Variants in NELL2 observed in about 807,000 individuals in gnomAD.
NELL2 encodes protein kinase C-binding protein NELL2.
In NELL2, 41 loss-of-function variants were observed where a neutral mutation model predicts 109.6. The observed-to-expected ratio is 0.37, with a 90% CI of 0.29 to 0.49. The LOEUF is 0.49. NELL2 is among the 20% of genes least tolerant of loss of function. NELL2 has a pLI of 0.98. For synonymous variants in NELL2, 355 were observed against 344.7 expected, an observed-to-expected ratio of 1.03 and a Z score of -0.33; for missense variants, 900 against 1,008.3, an observed-to-expected ratio of 0.89 and a Z score of 1.45.
At chr12:44,736,579 G>A (rs1258462526) in intron 9 of NELL2, among the ~76,000 whole-genome samples, 1 of 151,366 alleles carries the variant, frequency 6.6e-6, no homozygotes, top group Non-Finnish European at 1.5e-5. Flanking sequence ...TCTTAATGAA[G>A]CCAGGCTTTG....
At chr12:44,513,412 G>A (rs560215252) in intron 19 of NELL2, among the ~76,000 whole-genome samples, 3 of 151,954 alleles carry the variant, frequency 2.0e-5, no homozygotes, top group African/African-American at 7.2e-5. Flanking sequence ...AGGAAAATGT[G>A]GCTCCTAATG....
chr12:44,695,697 A>G (rs141443402), intron 12 of NELL2, among the ~76,000 whole-genome samples: 4 of 152,340 alleles, frequency 2.6e-5, no homozygotes, highest in African/African-American at 9.6e-5. Context: ...ATTTTGAAGG[A>G]GTCAAAATAG....
intron 12 of NELL2, among the ~76,000 whole-genome samples, chr12:44,682,616 C>G (rs1467339651): frequency 6.6e-6 from 1 of 152,182 alleles, no homozygotes; most frequent in African/African-American, 2.4e-5. Flanking sequence ...GGAAGGGATC[C>G]AGTTTCAGCT....
At chr12:44,593,257 G>A (rs573740496) in intron 15 of NELL2, among the ~76,000 whole-genome samples, 1 of 152,232 alleles carries the variant, frequency 6.6e-6, no homozygotes, top group South Asian at 2.1e-4. Flanking sequence ...AAAGGAGATG[G>A]TAATAAGAAA....
intron 12 of NELL2, among the ~76,000 whole-genome samples, chr12:44,699,438 T>C (rs938890668): frequency 3.9e-5 from 6 of 152,062 alleles, no homozygotes; most frequent in African/African-American, 1.4e-4. Flanking sequence ...AACAAGAAGT[T>C]ATCATCTGCC....
At chr12:44,879,476 A>G (rs1049597877), upstream of NELL2, among the ~76,000 whole-genome samples, 1 of 150,958 alleles carries the variant, frequency 6.6e-6, no homozygotes, top group South Asian at 2.1e-4. Context: ...TAAAATGCCC[A>G]ATTTTTAAAT....
chr12:44,686,699 TG>T (rs993121175), intron 12 of NELL2, among the ~76,000 whole-genome samples: 2 of 151,980 alleles, frequency 1.3e-5, no homozygotes, highest in African/African-American at 4.8e-5. Flanking sequence ...CTGCCCCTGC[TG>T]GGGGGTGCCT....
intron 1 of NELL2, among the ~76,000 whole-genome samples, chr12:44,904,504 G>A (rs1288858617): frequency 6.6e-6 from 1 of 152,076 alleles, no homozygotes; most frequent in Non-Finnish European, 1.5e-5. Context: ...GAAAGCCCTT[G>A]AAGATCAAAA....
chr12:44,768,225 T>C (rs1477497636), intron 9 of NELL2, among the ~76,000 whole-genome samples: 2 of 152,194 alleles, frequency 1.3e-5, no homozygotes, highest in East Asian at 1.9e-4. Context: ...TTTATTAATA[T>C]ATTGCCAATT....
intron 2 of NELL2, among the ~76,000 whole-genome samples, chr12:44,835,970 C>T (rs1466218404): frequency 6.6e-6 from 1 of 152,196 alleles, no homozygotes; most frequent in Non-Finnish European, 1.5e-5. Flanking sequence ...ATGGCATATT[C>T]ATCAACCTAC....
At chr12:44,574,653 T>C (rs1373821887) in intron 15 of NELL2, among the ~76,000 whole-genome samples, 1 of 152,170 alleles carries the variant, frequency 6.6e-6, no homozygotes, top group Admixed American at 6.5e-5. Context: ...TATAAGATGA[T>C]ATTTATAGCA....
At chr12:44,674,352 G>C (rs1022323141) in intron 12 of NELL2, among the ~76,000 whole-genome samples, 9 of 151,998 alleles carry the variant, frequency 5.9e-5, no homozygotes, top group African/African-American at 2.2e-4. Flanking sequence ...AATCCTACAG[G>C]GACTGATATT....
chr12:44,656,984 T>A (rs1449960786), intron 13 of NELL2, among the ~76,000 whole-genome samples: 1 of 152,230 alleles, frequency 6.6e-6, no homozygotes, highest in Non-Finnish European at 1.5e-5. Flanking sequence ...TCAAAGAAAT[T>A]ACCTTTCTGG....
At chr12:44,816,863 A>G (rs552169022) in intron 2 of NELL2, among the ~76,000 whole-genome samples, 10 of 152,346 alleles carry the variant, frequency 6.6e-5, no homozygotes, top group Admixed American at 2.6e-4. Flanking sequence ...CAACCTCAGG[A>G]CCCAGATTAT....
chr12:44,668,135 T>C (rs147053180), intron 12 of NELL2, among the ~76,000 whole-genome samples: 3 of 152,222 alleles, frequency 2.0e-5, no homozygotes, highest in African/African-American at 7.2e-5. Context: ...TATGCTGCCA[T>C]AATACCAGCT....
At chr12:44,643,860 C>CA (rs1271738455) in intron 13 of NELL2, among the ~76,000 whole-genome samples, 1 of 151,948 alleles carries the variant, frequency 6.6e-6, no homozygotes, top group Non-Finnish European at 1.5e-5. Flanking sequence ...TGAACAACAA[C>CA]AAAAAAGTGT....
intron 15 of NELL2, among the ~76,000 whole-genome samples, chr12:44,550,918 T>C (rs1349022018): frequency 6.6e-6 from 1 of 152,188 alleles, no homozygotes; most frequent in Non-Finnish European, 1.5e-5. Flanking sequence ...TTATGCAAGA[T>C]AAGTAAGTTC....
chr12:44,797,499 G>A (rs1169019037), intron 3 of NELL2, among the ~76,000 whole-genome samples: 1 of 151,878 alleles, frequency 6.6e-6, no homozygotes, highest in African/African-American at 2.4e-5. Flanking sequence ...CTGAATAATA[G>A]GAAATAAAAG....
intron 15 of NELL2, among the ~76,000 whole-genome samples, chr12:44,577,809 G>A (rs1185718760): frequency 8.5e-5 from 13 of 152,070 alleles, no homozygotes; most frequent in Admixed American, 5.9e-4. Flanking sequence ...TAGCTCCAAC[G>A]GAACTAGCAG....
Sources: allele counts gnomAD v4.1 joint callset (sites outside exome capture counted in the v4.1 genomes callset), GRCh38; gene constraint gnomAD v4.1.1; transcripts MANE v1.5; gene names NCBI Gene and HGNC (gene_info 2026-07-23, HGNC 2026-07-21).